The following COX18 variants were observed in gnomAD, a reference collection of about 807,000 sequenced individuals.
COX18 encodes cytochrome c oxidase assembly factor COX18, also known as cytochrome c oxidase assembly protein COX18, mitochondrial.
A neutral mutation model predicts 38.0 loss-of-function variants in COX18; 45 were observed. The ratio of observed to expected loss-of-function variants is 1.18; its 90% CI spans 0.93 to 1.52. COX18 has a LOEUF of 1.52. Ranked by LOEUF, COX18 falls within the 40% of genes most tolerant of loss-of-function variation. The pLI is 0.00. For synonymous variants in COX18, 177 were observed against 169.8 expected (o/e 1.04, Z -0.33); for missense variants, 462 against 423.8 (o/e 1.09, Z -0.79).
At position 73,063,544 on chromosome 4, in the gene COX18, C is replaced by A. The variant is rs570426484; in HGVS notation, c.723+1234G>T. Among the ~76,000 whole-genome samples the A allele has an allele frequency of 2.1e-3, 317 of 152,304 alleles. 4 individuals carry two copies. Among genetic ancestry groups the A allele is most frequent in the African/African-American group, 7.2e-3 (298 of 41,580 alleles). ...AGCTGGAACTAGAGGCGCACGCCAC[C>A]ATGCCCCGCTATGAAAACACCTTTA... is the stretch of plus-strand genomic sequence containing the variant. On this transcript the variant is annotated intron_variant, in intron 4 of 5. Transcript: ENST00000507544.
chr4:73,061,614 C>T (rs1043066779), intron 5 of COX18, among the ~76,000 whole-genome samples, 199 bp downstream of exon 5: 5 of 150,280 alleles, frequency 3.3e-5, no homozygotes, highest in African/African-American at 1.2e-4. Flanking sequence ...ACGCTGAGGC[C>T]GGAGAATGGC....
chr4:73,064,735 A>C (rs769803188), intron 4 of COX18, 43 bp downstream of exon 4: 3 of 1,599,996 alleles, frequency 1.9e-6, no homozygotes, highest in Non-Finnish European at 2.6e-6. Flanking sequence ...CAGCAACAAA[A>C]ATCCCCATAA....
At chr4:73,065,172 C>CTTTGTTTTTTTTT in intron 3 of COX18, 78 bp downstream of exon 3, 1 of 689,738 alleles carries the variant, frequency 1.4e-6, no homozygotes. Context: ...GAAAAGTATG[C>CTTTGTTTTTTTTT]TTTTTTTTTT....
intron 2 of COX18, among the ~76,000 whole-genome samples, chr4:73,067,238 C>A (rs570033034): frequency 6.6e-6 from 1 of 152,344 alleles, no homozygotes; most frequent in East Asian, 1.9e-4. Context: ...CTATTACCTG[C>A]TGTATCTTTT....
intron 5 of COX18, among the ~76,000 whole-genome samples, chr4:73,058,665 A>G (rs757195015): frequency 2.0e-5 from 3 of 152,144 alleles, no homozygotes; most frequent in Admixed American, 6.5e-5. Context: ...TTATGATGGC[A>G]AACTTAGCCT....
At chr4:73,063,241 G>A (rs6821206) in intron 4 of COX18, among the ~76,000 whole-genome samples, 20,352 of 152,096 alleles carry the variant, frequency 0.13, 1,769 homozygotes, top group East Asian at 0.27. Context: ...GGGAGGTGGA[G>A]GTTGCAGTGA....
chr4:73,060,997 C>T (rs1056524075), intron 5 of COX18, among the ~76,000 whole-genome samples: 2 of 152,044 alleles, frequency 1.3e-5, no homozygotes, highest in Non-Finnish European at 2.9e-5. Context: ...ATATACCTAA[C>T]ACAGCTTTTG....
Position 73,058,307 on chromosome 4 carries a change from A to G in COX18, c.832-20T>C. ...AATTGACTATAAAGAGAAGACATAA[A>G]TGTTAGCATCTGTAATTCTACAAGG... On this transcript the variant is annotated intron_variant, in intron 5 of 5. Coordinates refer to ENST00000507544, the MANE Select transcript of COX18 (RefSeq NM_001297732.2). The G allele has an allele frequency of 6.4e-7, 1 of 1,555,906 alleles. No individual in the cohort carries two copies. Among genetic ancestry groups the G allele is most frequent in the Non-Finnish European group, 8.8e-7 (1 of 1,142,216 alleles).
rs1178929926 is a variant in COX18 at position 73,058,119 on chromosome 4, T to G, written c.1000A>C (p.Lys334Gln). The change falls in exon 6 of 6, where the codon AAA becomes CAA. Residue 334 changes from lysine to glutamine, a missense_variant. Physicochemically the swap from Lys to Gln is moderately conservative, Grantham distance 53. Coordinates refer to ENST00000507544, the MANE Select transcript of COX18 (RefSeq NM_001297732.2). Reference sequence around the variant, plus strand: ...CAAAATTATTGGAAAATATGTCATTTTCTTGAAATGAACTTGGTATTAAAG... The same window carrying G: ...CAAAATTATTGGAAAATATGTCATTGTCTTGAAATGAACTTGGTATTAAAG... ...AAFNTKFISR[K>Q] 6.3e-7 allele frequency: 1 copy of G among 1,575,720 alleles called. No individual in the cohort carries two copies. The highest frequency in any genetic ancestry group is 8.6e-7 in the Non-Finnish European group (1 of 1,156,836).
At chr4:73,064,266 A>G (rs200397041) in intron 4 of COX18, among the ~76,000 whole-genome samples, 4 of 135,494 alleles carry the variant, frequency 3.0e-5, no homozygotes, top group South Asian at 2.3e-4. Flanking sequence ...AAAAAAAAGA[A>G]AAAAAAAGAC....
chr4:73,067,864 A>AAAAAAAATATATATATATATAT, intron 2 of COX18, among the ~76,000 whole-genome samples, 165 bp downstream of exon 2: 10 of 20,014 alleles, frequency 5.0e-4, no homozygotes, highest in Non-Finnish European at 1.1e-3. Flanking sequence ...AAAAAAAAAA[A>AAAAAAAATATATATATATATAT]ATATATATAT....
chr4:73,067,864 AATATAT>A (rs1377330345), intron 2 of COX18, among the ~76,000 whole-genome samples, 159 bp downstream of exon 2: 1 of 20,010 alleles, frequency 5.0e-5, no homozygotes, highest in Non-Finnish European at 1.6e-4. Flanking sequence ...AAAAAAAAAA[AATATAT>A]ATATATATAT....
chr4:73,061,412 A>C (rs1219505530), intron 5 of COX18, among the ~76,000 whole-genome samples: 1 of 152,214 alleles, frequency 6.6e-6, no homozygotes, highest in East Asian at 1.9e-4. Flanking sequence ...AGTTCAGCAG[A>C]AGAAGCAGGA....
chr4:73,055,133 G>A lies in COX18; in HGVS notation c.*2981C>T, dbSNP rs1403460089. ...GCCATTATGAGAAAAATATCTGAGT[G>A]TACACAGTAACACACACGGCAAAGG... On this transcript the variant is annotated 3_prime_UTR_variant, in exon 6 of 6. Transcript: ENST00000507544. The A allele has an allele frequency of 6.6e-6, 1 of 152,184 alleles. No individual in the cohort carries two copies. The allele number at this position is 152,184 out of a possible 1,614,324, so 9.4% of individuals were successfully genotyped here.
chr4:73,063,599 C>T (rs1304889318), intron 4 of COX18, among the ~76,000 whole-genome samples: 1 of 152,164 alleles, frequency 6.6e-6, no homozygotes, highest in Non-Finnish European at 1.5e-5. Flanking sequence ...GAGGAAAAGA[C>T]TAGGGGATTG....
Position 73,054,421 on chromosome 4 carries a change from G to T in COX18, c.*3693C>A, listed in dbSNP as rs903185635. On this transcript the variant is annotated 3_prime_UTR_variant, in exon 6 of 6. Transcript: ENST00000507544. Reference sequence around the variant, plus strand: ...AGAGTATTTACCATCCTGAAGTCAGGTAAGTTCAGGTAACTGATTCACTTC... The same window carrying T: ...AGAGTATTTACCATCCTGAAGTCAGTTAAGTTCAGGTAACTGATTCACTTC... The T allele has an allele frequency of 6.6e-6, 1 of 152,204 alleles. No homozygotes were observed. 9.4% of individuals were successfully genotyped at this position (152,204 alleles called of 1,614,324 possible). A position where few individuals can be genotyped will look rare whatever the true frequency, so the allele number is the denominator to read the frequency against.
chr4:73,061,571 G>C (rs1477658589), intron 5 of COX18, among the ~76,000 whole-genome samples: 1 of 152,124 alleles, frequency 6.6e-6, no homozygotes, highest in Non-Finnish European at 1.5e-5. Context: ...AGCCAGGCGT[G>C]GTGGCAGGCG....
At position 73,069,511 on chromosome 4, in the gene COX18, A is replaced by G; in HGVS notation, c.139T>C (p.Ser47Pro). Residue 47 changes from serine to proline, a missense_variant, in exon 1 of 6, where the codon TCT (serine) becomes CCT (proline). Coordinates refer to ENST00000507544, the MANE Select transcript of COX18 (RefSeq NM_001297732.2). ...TACCAGCCGTTCGCATGTACTGCAG[A>G]GACTGGTGCCACTGCCCACACTGGG... The part of the protein sequence containing the change: ...TLPVWAVAPV[S>P]AVHANGWYEA... 1 of 1,589,074 alleles carries G rather than the reference A, an allele frequency of 6.3e-7. No individual in the cohort carries two copies. Among genetic ancestry groups the G allele is most frequent in the Non-Finnish European group, 8.6e-7 (1 of 1,168,442 alleles).
intron 5 of COX18, among the ~76,000 whole-genome samples, chr4:73,060,337 TG>T (rs1720089504): frequency 6.6e-6 from 1 of 152,196 alleles, no homozygotes; most frequent in African/African-American, 2.4e-5. Context: ...AGTATATAGC[TG>T]GTATGATTGC....
Sources: allele counts gnomAD v4.1 joint callset (sites outside exome capture counted in the v4.1 genomes callset), GRCh38; gene constraint gnomAD v4.1.1; transcripts MANE v1.5; gene names NCBI Gene and HGNC (gene_info 2026-07-23, HGNC 2026-07-21).